TRHDE: variants seen among roughly 807,000 people sequenced by gnomAD.
The protein encoded by TRHDE is thyrotropin releasing hormone degrading enzyme, also known as thyrotropin-releasing hormone-degrading ectoenzyme.
A neutral mutation model predicts 125.7 loss-of-function variants in TRHDE; 72 were observed. The observed-to-expected ratio is 0.57, with a 90% CI of 0.47 to 0.70. The LOEUF (loss-of-function observed/expected upper bound fraction) is 0.70, where lower values mean the gene tolerates loss of function less well. Among genes scored for constraint, TRHDE ranks in the 30% least tolerant of loss-of-function variants. TRHDE has a pLI of 0.00. For synonymous variants in TRHDE, 509 were observed against 509.1 expected (o/e 1.00, Z 0.00); for missense variants, 1,110 against 1,327.1 (o/e 0.84, Z 2.54).
intron 2 of TRHDE, among the ~76,000 whole-genome samples, chr12:72,196,134 G>A (rs1336194241): frequency 5.9e-5 from 9 of 151,936 alleles, no homozygotes; most frequent in Admixed American, 3.9e-4. Flanking sequence ...GTAGCCATAC[G>A]GTATAGTTTG....
chr12:72,199,421 A>G (rs1056189501), intron 2 of TRHDE, among the ~76,000 whole-genome samples: 3 of 152,200 alleles, frequency 2.0e-5, no homozygotes, highest in Non-Finnish European at 4.4e-5. Flanking sequence ...GAGGAGAGTT[A>G]TCAGGTACTA....
At chr12:72,272,083 A>G (rs1186366571), upstream of TRHDE, 1 of 457,542 alleles carries the variant, frequency 2.2e-6, no homozygotes, top group Non-Finnish European at 4.4e-6. This position sits in a 1 kb window ranked among gnomAD's most constrained non-coding sequence, Gnocchi z 6.7. Flanking sequence ...TGCAGGGTGT[A>G]TGGCTCGGGT....
intron 12 of TRHDE, among the ~76,000 whole-genome samples, chr12:72,590,208 C>T (rs1205646582): frequency 1.3e-5 from 2 of 151,232 alleles, no homozygotes; most frequent in Non-Finnish European, 3.0e-5. Context: ...AAAACAATTC[C>T]ATTGTGGTTA....
Position 72,621,652 on chromosome 12 carries a change from G to T in TRHDE, c.2576G>T (p.Arg859Leu). 6.2e-7 allele frequency: 1 copy of T among 1,604,776 alleles called. No individual in the cohort carries two copies. Among genetic ancestry groups the T allele is most frequent in the Non-Finnish European group, 8.5e-7 (1 of 1,175,838 alleles). The change falls in exon 15 of 19, where the codon CGT becomes CTT. Residue 859 changes from arginine (R) to leucine (L), a missense_variant. This residue lies in a region of TRHDE where 527 missense variants were observed against 651.8 expected (regional missense o/e 0.81). Transcript: ENST00000261180. ...VQASYQHEEL[R>L]REVIMLACSF... ...CTTTTGATGATATCTAGAGAACTACGTAGAGAAGTTATAATGCTGGCCTGC... is the reference window on the plus strand; with the variant it reads ...CTTTTGATGATATCTAGAGAACTACTTAGAGAAGTTATAATGCTGGCCTGC...
At chr12:72,613,868 CTG>C (rs1271189396) in intron 12 of TRHDE, among the ~76,000 whole-genome samples, 1 of 152,030 alleles carries the variant, frequency 6.6e-6, no homozygotes. Flanking sequence ...ATATGTGAGA[CTG>C]TGTAATTTAT....
At chr12:72,316,756 T>TA (rs1331283560) in intron 2 of TRHDE, among the ~76,000 whole-genome samples, 1 of 152,182 alleles carries the variant, frequency 6.6e-6, no homozygotes, top group African/African-American at 2.4e-5. Context: ...TTAATCTATT[T>TA]AAAAAATAAG....
chr12:72,580,273 G>T (rs1871167257), intron 12 of TRHDE, among the ~76,000 whole-genome samples: 1 of 152,096 alleles, frequency 6.6e-6, no homozygotes. Context: ...TTTTGAAAAG[G>T]TATATGCTGC....
intron 1 of TRHDE, among the ~76,000 whole-genome samples, chr12:72,276,802 A>G (rs983935374): frequency 5.3e-5 from 8 of 152,232 alleles, no homozygotes; most frequent in Non-Finnish European, 8.8e-5. Flanking sequence ...TAAGTAAATT[A>G]GGCAGAATAC....
At chr12:72,474,871 T>A (rs1312410503) in intron 5 of TRHDE, among the ~76,000 whole-genome samples, 1 of 151,988 alleles carries the variant, frequency 6.6e-6, no homozygotes, top group East Asian at 1.9e-4. Flanking sequence ...GAAAAAAAAA[T>A]GAAATTACTT....
intron 16 of TRHDE, 55 bp from the exon 17 acceptor site, chr12:72,652,961 A>T: frequency 6.8e-7 from 1 of 1,471,542 alleles, no homozygotes; most frequent in Non-Finnish European, 9.3e-7. Context: ...TAGTAAGATT[A>T]TAAAAATGTT....
At chr12:72,473,734 A>C (rs1012728015) in intron 5 of TRHDE, among the ~76,000 whole-genome samples, 1 of 152,074 alleles carries the variant, frequency 6.6e-6, no homozygotes, top group African/African-American at 2.4e-5. Flanking sequence ...CTGTGCTGTT[A>C]TAGGGCATCC....
In TRHDE at chr12:72,663,835, A is replaced by T. The variant is rs891206980; in HGVS notation, c.*640A>T. On this transcript the variant is annotated 3_prime_UTR_variant, in exon 19 of 19. Coordinates refer to ENST00000261180, the MANE Select transcript of TRHDE (RefSeq NM_013381.3). ...CATTTTCTTTGAGTTAAAGCTGTGT[A>T]TACATTTTAAAAGGCATATAGATAG... The T allele has an allele frequency of 6.6e-6, 1 of 152,122 alleles. No individual in the cohort carries two copies. Among genetic ancestry groups the T allele is most frequent in the South Asian group, 2.1e-4 (1 of 4,828 alleles). The allele number at this position is 152,122 out of a possible 1,614,324, so 9.4% of individuals were successfully genotyped here.
At chr12:72,235,460 A>C (rs912371291) in intron 2 of TRHDE, among the ~76,000 whole-genome samples, 5 of 152,106 alleles carry the variant, frequency 3.3e-5, no homozygotes, top group African/African-American at 1.2e-4. Context: ...TACAGTCTGC[A>C]CTCTTAACCA....
At chr12:72,443,798 G>T (rs1875139988) in intron 3 of TRHDE, among the ~76,000 whole-genome samples, 1 of 151,756 alleles carries the variant, frequency 6.6e-6, no homozygotes, top group South Asian at 2.1e-4. Context: ...GGCTGCTATA[G>T]AAAGAGCGTG....
chr12:72,126,918 C>A (rs376576085), intron 2 of TRHDE, among the ~76,000 whole-genome samples: 3 of 152,192 alleles, frequency 2.0e-5, no homozygotes, highest in East Asian at 3.9e-4. Context: ...AGGCAGCCTA[C>A]AGAATGGGAG....
At chr12:72,495,060 GTTTTTTTTTTT>G (rs751243542) in intron 5 of TRHDE, among the ~76,000 whole-genome samples, 20 of 58,392 alleles carry the variant, frequency 3.4e-4, no homozygotes, top group African/African-American at 5.2e-4. Flanking sequence ...TTCCTCCCCC[GTTTTTTTTTTT>G]TTTTTTTTTT....
chr12:72,360,498 C>T (rs959884946), intron 2 of TRHDE, among the ~76,000 whole-genome samples: 1 of 151,710 alleles, frequency 6.6e-6, no homozygotes, highest in Non-Finnish European at 1.5e-5. Context: ...TGATGCTCAA[C>T]CTCACTATTA....
chr12:72,492,061 G>A (rs1375933801), intron 5 of TRHDE, among the ~76,000 whole-genome samples: 1 of 151,976 alleles, frequency 6.6e-6, no homozygotes, highest in Non-Finnish European at 1.5e-5. Context: ...TCTTCTGTAT[G>A]TAAGTGTGTT....
chr12:72,319,342 A>G (rs1281815357), intron 2 of TRHDE, among the ~76,000 whole-genome samples: 1 of 152,110 alleles, frequency 6.6e-6, no homozygotes, highest in African/African-American at 2.4e-5. Flanking sequence ...TCTTTATTTC[A>G]TATTTAGTAT....
Sources: gnomAD v4.1 joint callset for allele counts (sites outside exome capture counted in the v4.1 genomes callset) on GRCh38, gnomAD v4.1.1 for gene constraint, gnomAD v4.1.1 regional missense constraint, Gnocchi (gnomAD v3.1) non-coding constraint, MANE v1.5 for transcripts, NCBI Gene and HGNC (gene_info 2026-07-23, HGNC 2026-07-21) for gene names.